Variants in PRSS23 observed in about 807,000 individuals in gnomAD.
The protein encoded by PRSS23 is serine protease 23, also known as protease, serine 23.
PRSS23 carries 25 observed loss-of-function variants against 34.7 expected under a neutral mutation model. That is an observed-to-expected ratio of 0.72 (90% CI 0.53 to 1.01). The LOEUF is 1.01. Among genes scored for constraint, PRSS23 ranks in the 50% least tolerant of loss-of-function variants. The probability of loss-of-function intolerance (pLI) is 0.00; values close to 1 mark genes in which losing one functional copy is unlikely to be tolerated. For synonymous variants in PRSS23, 176 were observed against 186.6 expected, an observed-to-expected ratio of 0.94 and a Z score of 0.46; for missense variants, 445 against 475.6, an observed-to-expected ratio of 0.94 and a Z score of 0.60.
At chr11:86,948,667 C>G (rs1415155014) in intron 2 of PRSS23, 2 of 152,210 alleles carry the variant, frequency 1.3e-5, no homozygotes, top group East Asian at 3.9e-4. Flanking sequence ...CTCCAGAACT[C>G]AAAACTCAGA....
rs538597380 is a variant in PRSS23, at chr11:86,829,723, G to A, written c.206+6130G>A. On this transcript the variant is annotated intron_variant, in intron 2 of 2. Transcript: ENST00000533902. The stretch of plus-strand genomic sequence containing the variant: ...CTTCTAAGAGACAGGACCCTCAGCT[G>A]CAGGTCTGTTGGAGTTTGCTAGAGG... Among the ~76,000 whole-genome samples the A allele has an allele frequency of 1.3e-3, 200 of 152,310 alleles. 1 individual carries two copies. The highest frequency in any genetic ancestry group is 4.6e-3 in the African/African-American group (190 of 41,558).
At chr11:86,828,488 A>G (rs1042952917) in intron 2 of PRSS23, among the ~76,000 whole-genome samples, 208 of 152,206 alleles carry the variant, frequency 1.4e-3, no homozygotes, top group Non-Finnish European at 1.6e-3. Context: ...CATTTAGTCC[A>G]TTTACATTTA....
At chr11:86,925,710 T>C (rs995707044) in intron 2 of PRSS23, among the ~76,000 whole-genome samples, 5 of 152,190 alleles carry the variant, frequency 3.3e-5, no homozygotes, top group Admixed American at 3.3e-4. Flanking sequence ...TTGAAAAAAT[T>C]AGGCTTACAG....
At chr11:86,798,660 G>C (rs1394764513), upstream of PRSS23, among the ~76,000 whole-genome samples, 1 of 152,170 alleles carries the variant, frequency 6.6e-6, no homozygotes, top group East Asian at 1.9e-4. Context: ...TTTGCGAGTT[G>C]TTCAAAAGCT....
intron 2 of PRSS23, among the ~76,000 whole-genome samples, chr11:86,831,197 C>A (rs926920164): frequency 1.3e-5 from 2 of 150,706 alleles, no homozygotes; most frequent in African/African-American, 2.4e-5. Context: ...GTACACCCTG[C>A]GATATTATTC....
At chr11:86,911,419 T>A (rs1250463290) in intron 2 of PRSS23, 1 of 151,806 alleles carries the variant, frequency 6.6e-6, no homozygotes, top group South Asian at 2.1e-4. Context: ...ACCCAAATAG[T>A]GAACATAGTA....
At chr11:86,837,127 CTT>C (rs1948412135) in intron 2 of PRSS23, 1 of 152,172 alleles carries the variant, frequency 6.6e-6, no homozygotes. Flanking sequence ...TACAGCCTAT[CTT>C]TTCCAAAGAA....
intron 1 of PRSS23, among the ~76,000 whole-genome samples, chr11:86,791,514 G>T (rs1275189109): frequency 6.6e-6 from 1 of 152,218 alleles, no homozygotes; most frequent in Non-Finnish European, 1.5e-5. Context: ...TTTCAAATGT[G>T]ACAAATTGGT....
chr11:86,844,185 G>A (rs1368200773), intron 2 of PRSS23, among the ~76,000 whole-genome samples: 4 of 152,160 alleles, frequency 2.6e-5, no homozygotes, highest in Non-Finnish European at 1.5e-5. Context: ...AACACCACAA[G>A]TTCTCACTCA....
At chr11:86,922,294 T>A (rs1040098954) in intron 2 of PRSS23, among the ~76,000 whole-genome samples, 1 of 152,158 alleles carries the variant, frequency 6.6e-6, no homozygotes, top group African/African-American at 2.4e-5. Context: ...ATAAATCAGA[T>A]GGACAATTAC....
At chr11:86,852,185 C>T (rs190940368) in intron 2 of PRSS23, among the ~76,000 whole-genome samples, 37 of 152,104 alleles carry the variant, frequency 2.4e-4, no homozygotes, top group Non-Finnish European at 4.4e-4. Context: ...TCTCAGAGTC[C>T]GTCCTCAAGA....
chr11:86,896,893 G>A (rs928738710), intron 2 of PRSS23, among the ~76,000 whole-genome samples: 2 of 152,144 alleles, frequency 1.3e-5, no homozygotes, highest in African/African-American at 4.8e-5. Flanking sequence ...AACTTTCCAG[G>A]GTTAACAAAA....
Position 86,808,673 on chromosome 11 carries a change from C to T in PRSS23, c.1030C>T (p.Gln344Ter). Residue 344 changes from glutamine to a stop codon, truncating the protein, a stop_gained, in exon 2 of 2, where the codon CAG (glutamine) becomes TAG (stop). Transcript: ENST00000280258. LOFTEE classifies it high-confidence loss of function. ...AATTATTGGCATTTTTTCAGGGCAC[C>T]AGTGGGTGGACATGAATGGTTCCCC... ...RKIIGIFSGH[Q>*]WVDMNGSPQD... is the part of the protein sequence containing the mutation. 1 of 1,614,122 alleles carries T rather than the reference C, an allele frequency of 6.2e-7. No homozygotes were observed. Among genetic ancestry groups the T allele is most frequent in the Non-Finnish European group, 8.5e-7 (1 of 1,180,014 alleles).
chr11:86,829,441 T>G (rs1026976949), intron 2 of PRSS23, among the ~76,000 whole-genome samples: 4 of 152,220 alleles, frequency 2.6e-5, no homozygotes, highest in African/African-American at 9.6e-5. Flanking sequence ...TGGTTTGAAT[T>G]TCCTCCTGTA....
At chr11:86,821,442 G>A (rs1948250929) in intron 1 of PRSS23, 1 of 1,567,204 alleles carries the variant, frequency 6.4e-7, no homozygotes, top group African/African-American at 1.4e-5. Context: ...GCACCATCAA[G>A]TATGTGTCTG....
intron 2 of PRSS23, among the ~76,000 whole-genome samples, chr11:86,837,825 C>A (rs1948418481): frequency 6.6e-6 from 1 of 152,108 alleles, no homozygotes; most frequent in Non-Finnish European, 1.5e-5. Context: ...TTTAAGATGG[C>A]CAAATAGGAA....
intron 2 of PRSS23, among the ~76,000 whole-genome samples, chr11:86,939,399 AAAAAATATATATATATATATATAT>A (rs931337789): frequency 1.7e-3 from 82 of 49,572 alleles, no homozygotes; most frequent in African/African-American, 3.5e-3. Flanking sequence ...CAGTTAAAAA[AAAAAATATATATATATATATATAT>A]ATATTTTTTA....
At chr11:86,937,167 C>T (rs10792892) in intron 2 of PRSS23, 48,266 of 152,122 alleles carry the variant, frequency 0.32, 7,785 homozygotes, top group African/African-American at 0.37. Flanking sequence ...TAAAGATTGT[C>T]ATTTTGGTCA....
At chr11:86,860,208 T>G (rs12290301) in intron 2 of PRSS23, among the ~76,000 whole-genome samples, 58,879 of 151,548 alleles carry the variant, frequency 0.39, 11,904 homozygotes, top group African/African-American at 0.49. Context: ...ATATCTCAGG[T>G]GTTGTTCACA....
Sources: gnomAD v4.1 joint callset for allele counts (sites outside exome capture counted in the v4.1 genomes callset) on GRCh38, gnomAD v4.1.1 for gene constraint, MANE v1.5 for transcripts, NCBI Gene and HGNC (gene_info 2026-07-23, HGNC 2026-07-21) for gene names.